Variants in PRKG1 observed in about 807,000 individuals in gnomAD.
PRKG1 encodes protein kinase cGMP-dependent 1.
In PRKG1, 35 loss-of-function variants were observed where a neutral mutation model predicts 88.1. The observed-to-expected ratio is 0.40, with a 90% confidence interval of 0.30 to 0.53. The LOEUF (loss-of-function observed/expected upper bound fraction) is 0.53. Ranked by LOEUF, PRKG1 falls within the 20% of genes least tolerant of loss-of-function variation. The probability of loss-of-function intolerance (pLI) is 0.59; values close to 1 mark genes in which losing one functional copy is unlikely to be tolerated. For missense variants in PRKG1, 540 were observed against 839.8 expected (o/e 0.64, Z 4.41); for synonymous variants, 303 against 292.5 (o/e 1.04, Z -0.37).
At chr10:51,387,466 T>A (rs1385586305) in intron 2 of PRKG1, among the ~76,000 whole-genome samples, 1 of 151,832 alleles carries the variant, frequency 6.6e-6, no homozygotes, top group Non-Finnish European at 1.5e-5. Context: ...TCTTTGGCTA[T>A]AAAGTCCTTG....
intron 3 of PRKG1, among the ~76,000 whole-genome samples, chr10:51,539,504 A>G (rs1842246441): frequency 6.6e-6 from 1 of 152,220 alleles, no homozygotes; most frequent in Non-Finnish European, 1.5e-5. Flanking sequence ...AAACACTGAT[A>G]CATCTCTGGG....
chr10:51,175,627 T>C (rs1180643689), intron 2 of PRKG1, among the ~76,000 whole-genome samples: 1 of 152,056 alleles, frequency 6.6e-6, no homozygotes, highest in South Asian at 2.1e-4. Context: ...TCCTGAGATA[T>C]ATATTTAAAA....
chr10:51,349,515 T>C (rs1374604459), intron 2 of PRKG1, among the ~76,000 whole-genome samples: 1 of 151,044 alleles, frequency 6.6e-6, no homozygotes, highest in Non-Finnish European at 1.5e-5. Context: ...TGTCCTTTTT[T>C]TTTTTTTTTT....
chr10:51,873,225 G>A (rs1841204671), intron 4 of PRKG1, among the ~76,000 whole-genome samples: 1 of 151,900 alleles, frequency 6.6e-6, no homozygotes, highest in Admixed American at 6.6e-5. Context: ...AATAATTTTT[G>A]TTTTCATTAT....
rs1022195018 is a variant in PRKG1 at position 50,991,280 on chromosome 10, C to T, written c.-99C>T. On this transcript the variant is annotated 5_prime_UTR_variant, in exon 1 of 18. Transcript: ENST00000401604. This position sits in a 1 kb window ranked among gnomAD's most constrained non-coding sequence, Gnocchi z 4.5. ...TACTTAGCGCCCATTCACTCGCTCACCCGCGCTCTCCGCTGCCGGCTGCCG... is the reference window on the plus strand; with the variant it reads ...TACTTAGCGCCCATTCACTCGCTCATCCGCGCTCTCCGCTGCCGGCTGCCG... 1.9e-5 allele frequency: 28 copies of T among 1,445,084 alleles called. No individual in the cohort carries two copies. Among genetic ancestry groups the T allele is most frequent in the Non-Finnish European group, 2.4e-5 (26 of 1,098,926 alleles). The allele number at this position is 1,445,084 out of a possible 1,614,324, so 89.5% of individuals were successfully genotyped here.
At chr10:51,896,989 A>G (rs1841866633) in intron 4 of PRKG1, among the ~76,000 whole-genome samples, 2 of 152,312 alleles carry the variant, frequency 1.3e-5, no homozygotes, top group East Asian at 3.9e-4. Flanking sequence ...AACATTGCTA[A>G]AAGAAAATAA....
At chr10:51,058,811 A>G (rs967595800) in intron 1 of PRKG1, among the ~76,000 whole-genome samples, 3 of 152,144 alleles carry the variant, frequency 2.0e-5, no homozygotes, top group African/African-American at 7.2e-5. Context: ...AGAGCTACAA[A>G]TCTTCTGAAA....
chr10:51,903,965 A>G (rs1407459546), intron 4 of PRKG1, among the ~76,000 whole-genome samples: 14 of 152,270 alleles, frequency 9.2e-5, no homozygotes, highest in Admixed American at 3.9e-4. Context: ...TGAAATTTAT[A>G]TTATCTATAA....
chr10:51,153,118 A>C, intron 1 of PRKG1, 46 bp from the exon 2 acceptor site: 1 of 1,575,232 alleles, frequency 6.3e-7, no homozygotes, highest in Non-Finnish European at 8.7e-7. Flanking sequence ...CAAACTATGA[A>C]AGAGCTTGTC....
chr10:51,155,613 T>C (rs1007520043), intron 2 of PRKG1, among the ~76,000 whole-genome samples: 1 of 151,928 alleles, frequency 6.6e-6, no homozygotes, highest in African/African-American at 2.4e-5. Context: ...ACAAATAGGA[T>C]GTGTGTGTCT....
At chr10:52,109,681 C>T (rs1847509180) in intron 7 of PRKG1, among the ~76,000 whole-genome samples, 1 of 148,792 alleles carries the variant, frequency 6.7e-6, no homozygotes, top group South Asian at 2.4e-4. Flanking sequence ...GCAGGAGAAT[C>T]ACTTGAACTC....
chr10:51,092,781 C>A (rs1748965863), intron 1 of PRKG1, among the ~76,000 whole-genome samples: 1 of 152,104 alleles, frequency 6.6e-6, no homozygotes, highest in Non-Finnish European at 1.5e-5. Context: ...ATTTCAGAGA[C>A]AATAAACTGT....
intron 5 of PRKG1, among the ~76,000 whole-genome samples, chr10:51,987,161 G>A (rs1844180899): frequency 6.6e-6 from 1 of 152,066 alleles, no homozygotes; most frequent in Admixed American, 6.5e-5. Flanking sequence ...AAATCTTAAA[G>A]TTGGGTGGTT....
intron 4 of PRKG1, among the ~76,000 whole-genome samples, chr10:51,850,193 T>TG (rs1294876955): frequency 2.0e-5 from 3 of 152,250 alleles, no homozygotes; most frequent in Non-Finnish European, 4.4e-5. Context: ...TATATTTTTT[T>TG]GAGATGAAGT....
intron 3 of PRKG1, among the ~76,000 whole-genome samples, chr10:51,589,954 C>T (rs1838268207): frequency 6.6e-6 from 1 of 152,106 alleles, no homozygotes; most frequent in South Asian, 2.1e-4. Flanking sequence ...CAATCAATTA[C>T]TATGATGAAT....
chr10:51,899,720 T>G (rs1279033526), intron 4 of PRKG1, among the ~76,000 whole-genome samples: 4 of 147,516 alleles, frequency 2.7e-5, no homozygotes, highest in Non-Finnish European at 6.0e-5. Flanking sequence ...TCTAACTATC[T>G]AACTTGATAA....
chr10:52,182,386 C>T, intron 9 of PRKG1, among the ~76,000 whole-genome samples: 1 of 85,748 alleles, frequency 1.2e-5, no homozygotes, highest in African/African-American at 5.6e-5. Context: ...TTGTAGGTTG[C>T]CTGTTCACTC....
chr10:51,318,992 T>C (rs1841389031), intron 2 of PRKG1, among the ~76,000 whole-genome samples: 1 of 152,240 alleles, frequency 6.6e-6, no homozygotes, highest in South Asian at 2.1e-4. Flanking sequence ...TGGCTAACTA[T>C]AGCATTATCC....
chr10:52,253,620 C>CAT (rs1340976569), intron 10 of PRKG1, among the ~76,000 whole-genome samples: 3 of 151,394 alleles, frequency 2.0e-5, no homozygotes, highest in African/African-American at 7.3e-5. Context: ...GTATATATAT[C>CAT]ATATATATAC....
Sources: gnomAD v4.1 joint callset for allele counts (sites outside exome capture counted in the v4.1 genomes callset) on GRCh38, gnomAD v4.1.1 for gene constraint, Gnocchi (gnomAD v3.1) non-coding constraint, MANE v1.5 for transcripts, NCBI Gene and HGNC (gene_info 2026-07-23, HGNC 2026-07-21) for gene names.